The following PRKCZ variants were observed in gnomAD, a reference collection of about 807,000 sequenced individuals.
The protein encoded by PRKCZ is protein kinase C zeta type.
In PRKCZ, 33 loss-of-function variants were observed where a neutral mutation model predicts 79.5. The ratio of observed to expected loss-of-function variants is 0.41; its 90% confidence interval spans 0.31 to 0.55. The LOEUF is 0.55. Among genes scored for constraint, PRKCZ ranks in the 20% least tolerant of loss-of-function variants. The pLI is 0.19. For missense variants in PRKCZ, 578 were observed against 813.5 expected, an observed-to-expected ratio of 0.71 and a Z score of 3.52; for synonymous variants, 342 against 320.9, an observed-to-expected ratio of 1.07 and a Z score of -0.70.
rs759876070 is a variant in PRKCZ at position 2,148,856 on chromosome 1, C to T, written c.635-16C>T. 2 of 1,613,530 alleles carry T rather than the reference C, an allele frequency of 1.2e-6. No homozygotes were observed. Among genetic ancestry groups the T allele is most frequent in the African/African-American group, 1.3e-5 (1 of 75,050 alleles). Reference sequence around the variant, plus strand: ...ACCACACCGTAACGCCCCTTCCTTCCTCCCTCTCTCACCAGTTGCTTACAT... The same window carrying T: ...ACCACACCGTAACGCCCCTTCCTTCTTCCCTCTCTCACCAGTTGCTTACAT... On this transcript the variant is annotated splice_polypyrimidine_tract_variant and intron_variant, in intron 7 of 17. Coordinates refer to ENST00000378567, the MANE Select transcript of PRKCZ (RefSeq NM_002744.6).
intron 16 of PRKCZ, among the ~76,000 whole-genome samples, chr1:2,179,759 GC>G (rs1234276966): frequency 4.6e-5 from 7 of 152,194 alleles, no homozygotes; most frequent in Admixed American, 1.3e-4. Context: ...CTGGTGGGAG[GC>G]CCCAGGGAGG....
intron 4 of PRKCZ, among the ~76,000 whole-genome samples, chr1:2,113,544 C>T (rs529082372): frequency 1.9e-4 from 29 of 152,306 alleles, no homozygotes; most frequent in Non-Finnish European, 3.1e-4. Flanking sequence ...TTGTCAGAGG[C>T]GACCAGGGCC....
At chr1:2,080,350 G>A (rs1310612335) in intron 4 of PRKCZ, among the ~76,000 whole-genome samples, 3 of 152,194 alleles carry the variant, frequency 2.0e-5, no homozygotes, top group Non-Finnish European at 4.4e-5. Context: ...GGCGGTGCGC[G>A]TGGACGTGGC....
At chr1:2,169,966 G>C (rs1425105106) in intron 11 of PRKCZ, among the ~76,000 whole-genome samples, 1 of 152,026 alleles carries the variant, frequency 6.6e-6, no homozygotes, top group Non-Finnish European at 1.5e-5. Context: ...CACAACATTT[G>C]GGAGGTCTCC....
Position 2,141,345 on chromosome 1 carries a change from CTTT to C in PRKCZ, c.421-2849_421-2847del, listed in dbSNP as rs144339432. On this transcript the variant is annotated intron_variant, in intron 5 of 17. Transcript: ENST00000378567. ...TGTTTGTTTGTTTGTTTTTCTTTTT[CTTT>C]TTTTTTTTTTTTTTTGAGACACAGT... 293 of 123,554 alleles carry C rather than the reference CTTT, an allele frequency of 2.4e-3. 1 individual carries two copies. The highest frequency in any genetic ancestry group is 6.2e-3 in the South Asian group (25 of 4,008). The allele number at this position is 123,554 out of a possible 1,614,324, so 7.7% of individuals were successfully genotyped here.
At chr1:2,138,809 C>T (rs1255416325) in intron 5 of PRKCZ, among the ~76,000 whole-genome samples, 2 of 152,164 alleles carry the variant, frequency 1.3e-5, no homozygotes, top group Non-Finnish European at 2.9e-5. Flanking sequence ...TGGCACGTGC[C>T]TGTAATCCCA....
In PRKCZ at chr1:2,074,088, A is replaced by G. The variant is rs929213586; in HGVS notation, c.334+14497A>G. On this transcript the variant is annotated intron_variant, in intron 4 of 17. Coordinates refer to ENST00000378567, the MANE Select transcript of PRKCZ (RefSeq NM_002744.6). ...TGTGCGCTGCACAGATGCTCCGGGC[A>G]GCAACACGGCTGGTGCCACGGCCCG... 3.3e-6 allele frequency: 5 copies of G among 1,493,564 alleles called. No homozygotes were observed. The African/African-American group carries it at 5.5e-5, about 17-fold the overall frequency. The allele number at this position is 1,493,564 out of a possible 1,614,324, so 92.5% of individuals were successfully genotyped here. A position where few individuals can be genotyped will look rare whatever the true frequency, so the allele number is the denominator to read the frequency against.
chr1:2,073,303 T>A (rs942105124), intron 4 of PRKCZ, among the ~76,000 whole-genome samples: 1 of 152,114 alleles, frequency 6.6e-6, no homozygotes, highest in Non-Finnish European at 1.5e-5. Context: ...CACAACCACA[T>A]CGCAAGGCCC....
At chr1:2,102,564 C>T (rs961964779) in intron 4 of PRKCZ, among the ~76,000 whole-genome samples, 1 of 152,178 alleles carries the variant, frequency 6.6e-6, no homozygotes, top group Non-Finnish European at 1.5e-5. Context: ...GATCTCCTGA[C>T]CTCGTGATCC....
intron 4 of PRKCZ, among the ~76,000 whole-genome samples, chr1:2,121,546 CAGTAGTTAGGGCT>C (rs1671931432): frequency 1.1e-4 from 1 of 8,758 alleles, no homozygotes; most frequent in Non-Finnish European, 2.0e-4. Context: ...AGGGTTATAT[CAGTAGTTAGGGCT>C]ATGGCTGTAG....
intron 4 of PRKCZ, among the ~76,000 whole-genome samples, chr1:2,062,045 CG>C (rs1463349065): frequency 6.6e-6 from 1 of 152,152 alleles, no homozygotes; most frequent in Non-Finnish European, 1.5e-5. Flanking sequence ...GGCAGGACTG[CG>C]GCTGTACCGT....
intron 10 of PRKCZ, among the ~76,000 whole-genome samples, chr1:2,164,682 G>A (rs1682987259): frequency 6.6e-6 from 1 of 152,318 alleles, no homozygotes; most frequent in South Asian, 2.1e-4. Flanking sequence ...CCTTTCTTGT[G>A]CAAGCTTCAT....
intron 4 of PRKCZ, among the ~76,000 whole-genome samples, chr1:2,095,350 A>G (rs1363325215): frequency 6.6e-6 from 1 of 152,012 alleles, no homozygotes; most frequent in East Asian, 1.9e-4. Context: ...GCAGAGCCCC[A>G]TGCTGTCCTC....
intron 1 of PRKCZ, among the ~76,000 whole-genome samples, chr1:2,052,722 G>T (rs1319111158): frequency 6.6e-6 from 1 of 152,182 alleles, no homozygotes; most frequent in Non-Finnish European, 1.5e-5. Flanking sequence ...TTAGGGCAAT[G>T]ACACAGTTCC....
chr1:2,114,476 T>G (rs1480574561), intron 4 of PRKCZ, among the ~76,000 whole-genome samples: 2 of 152,142 alleles, frequency 1.3e-5, no homozygotes, highest in Non-Finnish European at 2.9e-5. Flanking sequence ...TAAAATAAGC[T>G]GAAGAAAAAG....
In PRKCZ at chr1:2,090,710, C is replaced by T. The variant is rs561002412; in HGVS notation, c.334+31119C>T. 5.3e-5 allele frequency among the ~76,000 whole-genome samples: 8 copies of T among 152,286 alleles called. No homozygotes were observed. In the East Asian group the frequency reaches 1.2e-3, roughly 22 times the overall value. On this transcript the variant is annotated intron_variant, in intron 4 of 17. Coordinates refer to ENST00000378567, the MANE Select transcript of PRKCZ (RefSeq NM_002744.6). The stretch of plus-strand genomic sequence containing the variant: ...TTTTGCTCATGGCACCTGGCGTGGG[C>T]GCCCTGGGAGCGGCAGCCGGGGGCG...
chr1:2,051,070 A>G (rs1659594492), intron 1 of PRKCZ: 1 of 184,558 alleles, frequency 5.4e-6, no homozygotes, highest in Admixed American at 6.2e-5. Flanking sequence ...TCTTAAAATC[A>G]GCGTTTCCTA....
intron 4 of PRKCZ, among the ~76,000 whole-genome samples, chr1:2,096,229 G>A: frequency 1.3e-5 from 2 of 151,940 alleles, no homozygotes; most frequent in Non-Finnish European, 2.9e-5. Flanking sequence ...CCCTCCGATC[G>A]GGCAGGTGGT....
rs1242270866 is a variant in PRKCZ at position 2,124,121 on chromosome 1, G to A, written c.335-11141G>A. On this transcript the variant is annotated intron_variant, in intron 4 of 17. Transcript: ENST00000378567. ...CACGGCGACGGTTAGGGTCACGGCG[G>A]TGGTTAGGGTCACGGTGGTGGTTAG... Among the ~76,000 whole-genome samples the A allele has an allele frequency of 3.6e-4, 13 of 36,106 alleles. 4 individuals are homozygous for A. Among genetic ancestry groups the A allele is most frequent in the Admixed American group, 5.9e-4 (2 of 3,382 alleles). 23.7% of individuals were successfully genotyped at this position (36,106 alleles called of 152,430 possible).
Sources: allele counts gnomAD v4.1 joint callset (sites outside exome capture counted in the v4.1 genomes callset), GRCh38; gene constraint gnomAD v4.1.1; transcripts MANE v1.5; gene names NCBI Gene and HGNC (gene_info 2026-07-23, HGNC 2026-07-21).